JAKMIP2: variants seen among roughly 807,000 people sequenced by gnomAD.
The protein encoded by JAKMIP2 is janus kinase and microtubule-interacting protein 2.
Under a neutral mutation model 115.0 loss-of-function variants are expected in JAKMIP2, and 25 were observed. The ratio of observed to expected loss-of-function variants is 0.22; its 90% CI spans 0.16 to 0.30. The LOEUF is 0.30. Ranked by LOEUF, JAKMIP2 falls within the 10% of genes least tolerant of loss-of-function variation. The pLI, the probability that JAKMIP2 is intolerant of heterozygous loss-of-function variation, is 1.00. For synonymous variants in JAKMIP2, 334 were observed against 343.6 expected, an observed-to-expected ratio of 0.97 and a Z score of 0.31; for missense variants, 642 against 957.6, an observed-to-expected ratio of 0.67 and a Z score of 4.35.
chr5:147,612,786 A>G, intron 19 of JAKMIP2, among the ~76,000 whole-genome samples: 1 of 152,198 alleles, frequency 6.6e-6, no homozygotes, highest in East Asian at 1.9e-4. Context: ...ACAGCAAGAA[A>G]CAAGCTTTGT....
intron 1 of JAKMIP2, among the ~76,000 whole-genome samples, chr5:147,719,973 G>T (rs570324474): frequency 2.2e-3 from 339 of 152,174 alleles, no homozygotes; most frequent in African/African-American, 6.6e-3. Flanking sequence ...GCATGATTTT[G>T]CAGCGGCTGG....
At chr5:147,676,409 G>A (rs750736526) in intron 1 of JAKMIP2, among the ~76,000 whole-genome samples, 1 of 152,320 alleles carries the variant, frequency 6.6e-6, no homozygotes, top group East Asian at 1.9e-4. Flanking sequence ...CGGACACTCC[G>A]AGAGTCCTTG....
rs34831610 is a variant in JAKMIP2, at chr5:147,637,437, A to ATTT, written c.1531-392_1531-390dup. ...CATTTTGCCTCCCCAAATTCTTTTG[A>ATTT]TTTTTTTTTTTTTTTTTTTTGAGAC... On this transcript the variant is annotated intron_variant, in intron 10 of 21. Transcript: ENST00000616793. Among the ~76,000 whole-genome samples, 179 of 79,310 alleles carry ATTT rather than the reference A, an allele frequency of 2.3e-3. 8 individuals carry two copies. Among genetic ancestry groups the ATTT allele is most frequent in the Admixed American group, 5.5e-3 (35 of 6,408 alleles). 52.0% of individuals were successfully genotyped at this position (79,310 alleles called of 152,430 possible).
intron 21 of JAKMIP2, among the ~76,000 whole-genome samples, chr5:147,596,422 T>C (rs1196606290): frequency 2.0e-5 from 3 of 152,178 alleles, no homozygotes; most frequent in Non-Finnish European, 4.4e-5. Context: ...TTTGTTTATG[T>C]CCTCTTTCCT....
At position 147,734,931 on chromosome 5, in the gene JAKMIP2, G is replaced by A. The variant is rs540877327; in HGVS notation, c.-149+47525C>T. 3.9e-5 allele frequency among the ~76,000 whole-genome samples: 6 copies of A among 152,254 alleles called. No individual in the cohort carries two copies. In the East Asian group the frequency reaches 7.8e-4, roughly 20 times the overall value. Reference sequence around the variant, plus strand: ...AGTGGACAGATGGAGGAGGTATCCCGAGGCCCTTGTAGACACCTATTTAAG... The same window carrying A: ...AGTGGACAGATGGAGGAGGTATCCCAAGGCCCTTGTAGACACCTATTTAAG... On this transcript the variant is annotated intron_variant, in intron 1 of 21. Coordinates refer to ENST00000616793, the MANE Select transcript of JAKMIP2 (RefSeq NM_001270941.2).
rs564573946 is a variant in JAKMIP2 at position 147,730,442 on chromosome 5, T to C, written c.-149+52014A>G. ...CCTCCCATGTGATATCGGATCATCTTGCCCTATTTTTTTTTTTTGTTATTG... is the reference window on the plus strand; with the variant it reads ...CCTCCCATGTGATATCGGATCATCTCGCCCTATTTTTTTTTTTTGTTATTG... On this transcript the variant is annotated intron_variant, in intron 1 of 21. Coordinates refer to ENST00000616793, the MANE Select transcript of JAKMIP2 (RefSeq NM_001270941.2). 2.1e-5 allele frequency among the ~76,000 whole-genome samples: 3 copies of C among 139,700 alleles called. No individual in the cohort carries two copies. The South Asian group carries it at 6.9e-4, about 32-fold the overall frequency. 91.6% of individuals were successfully genotyped at this position (139,700 alleles called of 152,430 possible). A position where few individuals can be genotyped will look rare whatever the true frequency, so the allele number is the denominator to read the frequency against.
intron 1 of JAKMIP2, among the ~76,000 whole-genome samples, chr5:147,709,053 G>C (rs1312973859): frequency 6.6e-6 from 1 of 152,194 alleles, no homozygotes; most frequent in Non-Finnish European, 1.5e-5. Flanking sequence ...AAGCATGATA[G>C]TTTAATCTAA....
chr5:147,702,555 A>AGAAAGAAAGAAAGAAAGAAG lies in JAKMIP2; in HGVS notation c.-148-30602_-148-30601insCTTCTTTCTTTCTTTCTTTC, dbSNP rs1561547124. On this transcript the variant is annotated intron_variant, in intron 1 of 21. Transcript: ENST00000616793. ...GGAGAGAGAGAGAGACAAAGAAAGA[A>AGAAAGAAAGAAAGAAAGAAG]GAAAGAAAGAAAGAAAGAAAGAAGG... 1.1e-3 allele frequency among the ~76,000 whole-genome samples: 89 copies of AGAAAGAAAGAAAGAAAGAAG among 84,632 alleles called. 6 individuals carry two copies. Among genetic ancestry groups the AGAAAGAAAGAAAGAAAGAAG allele is most frequent in the African/African-American group, 3.8e-3 (61 of 16,010 alleles). The allele number at this position is 84,632 out of a possible 152,430, so 55.5% of individuals were successfully genotyped here.
At chr5:147,670,514 T>A (rs1759525656) in intron 2 of JAKMIP2, among the ~76,000 whole-genome samples, 1 of 152,104 alleles carries the variant, frequency 6.6e-6, no homozygotes. Flanking sequence ...ACCACCTTGG[T>A]GAGATGTGTG....
intron 5 of JAKMIP2, among the ~76,000 whole-genome samples, chr5:147,646,439 T>C (rs1044592941): frequency 2.0e-5 from 3 of 152,130 alleles, no homozygotes; most frequent in African/African-American, 7.2e-5. Flanking sequence ...GTTTTAAATA[T>C]TTAAATTTAC....
intron 1 of JAKMIP2, among the ~76,000 whole-genome samples, chr5:147,697,720 A>G (rs1289710403): frequency 2.0e-5 from 3 of 152,198 alleles, no homozygotes; most frequent in Non-Finnish European, 4.4e-5. Flanking sequence ...CATAATGATG[A>G]GCCTGCTGGT....
intron 20 of JAKMIP2, 107 bp downstream of exon 20, chr5:147,612,199 G>A (rs1439501406): frequency 6.0e-6 from 5 of 827,232 alleles, no homozygotes; most frequent in South Asian, 2.7e-5. Context: ...ACCTGCCTCT[G>A]CAAGACACAC....
intron 1 of JAKMIP2, among the ~76,000 whole-genome samples, chr5:147,767,048 A>G (rs1021418249): frequency 5.3e-5 from 8 of 151,856 alleles, no homozygotes; most frequent in Non-Finnish European, 1.2e-4. Context: ...GCTGCAGCAG[A>G]GAAAACAGTA....
rs891748515 is a variant in JAKMIP2 at position 147,782,567 on chromosome 5, C to CG, written c.-261dup. On this transcript the variant is annotated 5_prime_UTR_variant, in exon 1 of 22. Coordinates refer to ENST00000616793, the MANE Select transcript of JAKMIP2 (RefSeq NM_001270941.2). The stretch of plus-strand genomic sequence containing the variant: ...CGAACCCAACATCAGCAGTGGCTGC[C>CG]GGTTTTTTTTTTCCCTCTGTCTCTG... 183 of 1,210,538 alleles carry CG rather than the reference C, an allele frequency of 1.5e-4. No individual in the cohort carries two copies. Among genetic ancestry groups the CG allele is most frequent in the African/African-American group, 1.1e-3 (74 of 66,272 alleles). The allele number at this position is 1,210,538 out of a possible 1,614,324, so 75.0% of individuals were successfully genotyped here.
intron 1 of JAKMIP2, among the ~76,000 whole-genome samples, chr5:147,718,160 C>T (rs1167920717): frequency 4.6e-5 from 7 of 150,762 alleles, no homozygotes; most frequent in African/African-American, 1.7e-4. Context: ...TATTGATTTG[C>T]ATATATTGAA....
At chr5:147,715,896 A>C (rs1163001551) in intron 1 of JAKMIP2, among the ~76,000 whole-genome samples, 1 of 145,016 alleles carries the variant, frequency 6.9e-6, no homozygotes, top group Non-Finnish European at 1.5e-5. Context: ...CACAATGTGC[A>C]GGTTAGTTAC....
chr5:147,647,627 A>C (rs1474205967), intron 5 of JAKMIP2, among the ~76,000 whole-genome samples: 1 of 152,204 alleles, frequency 6.6e-6, no homozygotes, highest in Non-Finnish European at 1.5e-5. Context: ...TGTAAGGTGT[A>C]AGAGTATGCC....
rs778803811 is a variant in JAKMIP2, at chr5:147,590,034, A to T, written c.*1673T>A. 3.3e-5 allele frequency: 5 copies of T among 152,254 alleles called. No homozygotes were observed. The highest frequency in any genetic ancestry group is 7.2e-5 in the African/African-American group (3 of 41,464). 9.4% of individuals were successfully genotyped at this position (152,254 alleles called of 1,614,324 possible). Reference sequence around the variant, plus strand: ...AACTGAGGCACAGAGAGGTTAAGTGACTGGGCCAAAGATACCTGGGTCAGC... The same window carrying T: ...AACTGAGGCACAGAGAGGTTAAGTGTCTGGGCCAAAGATACCTGGGTCAGC... On this transcript the variant is annotated 3_prime_UTR_variant, in exon 22 of 22. Transcript: ENST00000616793.
chr5:147,637,640 G>C (rs1038745105), intron 10 of JAKMIP2, among the ~76,000 whole-genome samples: 1 of 151,614 alleles, frequency 6.6e-6, no homozygotes, highest in Non-Finnish European at 1.5e-5. Context: ...GGGTTTCACC[G>C]TGTTGGCCTG....
Sources: gnomAD v4.1 joint callset for allele counts (sites outside exome capture counted in the v4.1 genomes callset) on GRCh38, gnomAD v4.1.1 for gene constraint, MANE v1.5 for transcripts, NCBI Gene and HGNC (gene_info 2026-07-23, HGNC 2026-07-21) for gene names.